RBFOX1: variants seen among roughly 807,000 people sequenced by gnomAD.
RBFOX1 encodes the protein RNA binding protein fox-1 homolog 1.
A neutral mutation model predicts 57.7 loss-of-function variants in RBFOX1; 8 were observed. The ratio of observed to expected loss-of-function variants is 0.14; its 90% CI spans 0.08 to 0.25. The LOEUF (loss-of-function observed/expected upper bound fraction) is 0.25, where lower values mean the gene tolerates loss of function less well. RBFOX1 is among the 10% of genes least tolerant of loss of function. The pLI, the probability that RBFOX1 is intolerant of heterozygous loss-of-function variation, is 1.00. For synonymous variants in RBFOX1, 326 were observed against 222.4 expected (o/e 1.47, Z -4.15); for missense variants, 611 against 548.5 (o/e 1.11, Z -1.14).
chr16:7,709,455 T>C, intron 15 of RBFOX1: 7 of 1,418,164 alleles, frequency 4.9e-6, no homozygotes, highest in Non-Finnish European at 6.5e-6. Context: ...AACTTTTTTT[T>C]TTCTTTTTTT....
chr16:6,034,592 G>A (rs571086960), intron 1 of RBFOX1, among the ~76,000 whole-genome samples: 1 of 152,214 alleles, frequency 6.6e-6, no homozygotes, highest in East Asian at 1.9e-4. Flanking sequence ...TGAAGGCAGA[G>A]TCTTCATGGT....
At chr16:6,884,172 C>T (rs1261229894) in intron 3 of RBFOX1, among the ~76,000 whole-genome samples, 4 of 152,168 alleles carry the variant, frequency 2.6e-5, no homozygotes, top group African/African-American at 4.8e-5. Flanking sequence ...CTTCCGAGGC[C>T]CCTTCTGCTC....
chr16:6,825,843 G>C (rs2092053265), intron 3 of RBFOX1, among the ~76,000 whole-genome samples: 1 of 152,174 alleles, frequency 6.6e-6, no homozygotes, highest in Non-Finnish European at 1.5e-5. Context: ...CTTCCATCCG[G>C]AAGGAGGAAT....
intron 4 of RBFOX1, among the ~76,000 whole-genome samples, chr16:7,182,156 C>G (rs1284980906): frequency 6.6e-6 from 1 of 152,116 alleles, no homozygotes; most frequent in Non-Finnish European, 1.5e-5. Flanking sequence ...TATTAGGTAT[C>G]TTTGACCTAG....
At chr16:5,655,665 A>G (rs2049402959) in intron 3 of RBFOX1, among the ~76,000 whole-genome samples, 1 of 152,212 alleles carries the variant, frequency 6.6e-6, no homozygotes, top group African/African-American at 2.4e-5. Flanking sequence ...GGCAGATGAA[A>G]TGGGAGTGCA....
intron 3 of RBFOX1, among the ~76,000 whole-genome samples, chr16:7,049,633 G>T (rs1378230550): frequency 6.6e-6 from 1 of 152,038 alleles, no homozygotes; most frequent in East Asian, 1.9e-4. Context: ...ATTGGTGGTG[G>T]GAGGTGGTAA....
chr16:5,513,906 C>T (rs941384356), intron 2 of RBFOX1, among the ~76,000 whole-genome samples: 1 of 152,006 alleles, frequency 6.6e-6, no homozygotes, highest in Non-Finnish European at 1.5e-5. Flanking sequence ...GTAAATAATA[C>T]ATTAATTCAA....
chr16:6,654,690 C>G (rs1453850712), intron 3 of RBFOX1, 40 bp downstream of exon 3: 17 of 1,451,994 alleles, frequency 1.2e-5, no homozygotes, highest in Admixed American at 1.0e-4. Context: ...GCAAACAAAA[C>G]AAGAACTCTG....
At position 6,562,856 on chromosome 16, in the gene RBFOX1, C is replaced by CTTTTTTTTTTTTTT; in HGVS notation, c.-63-91744_-63-91743insTTTTTTTTTTTTTT. Among the ~76,000 whole-genome samples, 2 of 50,316 alleles carry CTTTTTTTTTTTTTT rather than the reference C, an allele frequency of 4.0e-5. 1 individual carries two copies. The highest frequency in any genetic ancestry group is 2.1e-4 in the African/African-American group (2 of 9,380). 33.0% of individuals were successfully genotyped at this position (50,316 alleles called of 152,430 possible). A position where few individuals can be genotyped will look rare whatever the true frequency, so the allele number is the denominator to read the frequency against. ...CTTTTCTTTCTTTCTTTCTTTCTTT[C>CTTTTTTTTTTTTTT]TTTCTTTCTTTCTTTCTTTCTTTCT... On this transcript the variant is annotated intron_variant, in intron 2 of 15. Transcript: ENST00000550418.
At chr16:5,901,273 C>G (rs936592691) in intron 4 of RBFOX1, among the ~76,000 whole-genome samples, 1 of 152,256 alleles carries the variant, frequency 6.6e-6, no homozygotes, top group African/African-American at 2.4e-5. Flanking sequence ...AGGTCCTAAT[C>G]GTTCCTCTTT....
chr16:5,920,221 A>T (rs551506273), intron 4 of RBFOX1, among the ~76,000 whole-genome samples: 24 of 152,332 alleles, frequency 1.6e-4, no homozygotes, highest in African/African-American at 5.5e-4. Context: ...GGCCTGAGCC[A>T]CCACACCCGG....
At chr16:5,632,009 C>A (rs1033859629) in intron 3 of RBFOX1, among the ~76,000 whole-genome samples, 2 of 152,152 alleles carry the variant, frequency 1.3e-5, no homozygotes, top group African/African-American at 4.8e-5. Flanking sequence ...CTAAAGATCT[C>A]ACAGGAGGAT....
chr16:7,122,079 C>T (rs997811644), intron 4 of RBFOX1, among the ~76,000 whole-genome samples: 1 of 151,968 alleles, frequency 6.6e-6, no homozygotes, highest in Admixed American at 6.6e-5. Flanking sequence ...AAAATATTCA[C>T]GTCCAAAGGA....
intron 3 of RBFOX1, among the ~76,000 whole-genome samples, chr16:6,882,179 T>A (rs2153340596): frequency 6.6e-6 from 1 of 152,256 alleles, no homozygotes; most frequent in South Asian, 2.1e-4. Flanking sequence ...CTAGCTTCTC[T>A]CTTCCTGGCC....
intron 4 of RBFOX1, among the ~76,000 whole-genome samples, chr16:7,475,309 C>CG (rs2062424745): frequency 7.5e-6 from 1 of 132,772 alleles, no homozygotes; most frequent in Non-Finnish European, 1.6e-5. Context: ...GATGGGCATT[C>CG]TTTTTTTTTT....
At chr16:5,602,944 A>G (rs1046560911), downstream of RBFOX1, among the ~76,000 whole-genome samples, 1 of 152,200 alleles carries the variant, frequency 6.6e-6, no homozygotes, top group African/African-American at 2.4e-5. Flanking sequence ...CTCAGTTGTC[A>G]TGGAAATGCT....
chr16:6,785,683 T>A (rs1438213304), intron 3 of RBFOX1, among the ~76,000 whole-genome samples: 1 of 152,208 alleles, frequency 6.6e-6, no homozygotes, highest in Non-Finnish European at 1.5e-5. Flanking sequence ...CCATGTTCCA[T>A]GTGAGCATGT....
chr16:6,676,598 A>T (rs924302863), intron 3 of RBFOX1, among the ~76,000 whole-genome samples: 3 of 151,876 alleles, frequency 2.0e-5, no homozygotes, highest in African/African-American at 7.2e-5. Flanking sequence ...ACCAGCTCGG[A>T]AAAAAGGATA....
chr16:7,636,694 CACAG>C (rs1350129360), intron 11 of RBFOX1, among the ~76,000 whole-genome samples: 1 of 152,138 alleles, frequency 6.6e-6, no homozygotes, highest in Non-Finnish European at 1.5e-5. Flanking sequence ...AGGCTTAAGC[CACAG>C]ACATTCATTT....
Sources: gnomAD v4.1 joint callset for allele counts (sites outside exome capture counted in the v4.1 genomes callset) on GRCh38, gnomAD v4.1.1 for gene constraint, MANE v1.5 for transcripts, NCBI Gene and HGNC (gene_info 2026-07-23, HGNC 2026-07-21) for gene names.